The following ADAMTS20 variants were observed in gnomAD, a reference collection of about 807,000 sequenced individuals.
The protein encoded by ADAMTS20 is A disintegrin and metalloproteinase with thrombospondin motifs 20.
A neutral mutation model predicts 260.1 loss-of-function variants in ADAMTS20; 225 were observed. The observed-to-expected ratio is 0.87, with a 90% CI of 0.78 to 0.97. ADAMTS20 has a LOEUF of 0.97. Among genes scored for constraint, ADAMTS20 ranks in the 50% least tolerant of loss-of-function variants. The pLI is 0.00. For synonymous variants in ADAMTS20, 802 were observed against 769.5 expected, an observed-to-expected ratio of 1.04 and a Z score of -0.70; for missense variants, 2,400 against 2,337.7, an observed-to-expected ratio of 1.03 and a Z score of -0.55.
At chr12:43,514,501 G>T (rs929326538) in intron 3 of ADAMTS20, among the ~76,000 whole-genome samples, 4 of 140,164 alleles carry the variant, frequency 2.9e-5, no homozygotes, top group Non-Finnish European at 6.1e-5. Flanking sequence ...GGCAGAGGTT[G>T]CAGTGAGCCA....
chr12:43,535,691 CT>C (rs998594747), intron 2 of ADAMTS20, among the ~76,000 whole-genome samples: 26 of 152,136 alleles, frequency 1.7e-4, no homozygotes, highest in Middle Eastern at 6.8e-3. Flanking sequence ...AGATACATAA[CT>C]TTTTTTAATA....
intron 28 of ADAMTS20, among the ~76,000 whole-genome samples, chr12:43,407,408 T>C (rs1403478828): frequency 1.3e-5 from 2 of 151,634 alleles, no homozygotes; most frequent in African/African-American, 4.8e-5. Context: ...AGTTCTTGGC[T>C]AATTCATGCA....
At chr12:43,369,226 GA>G in intron 37 of ADAMTS20, 63 bp downstream of exon 37, 1 of 1,002,984 alleles carries the variant, frequency 1.0e-6, no homozygotes, top group Non-Finnish European at 1.4e-6. Context: ...TTAAAAAAAT[GA>G]ATGAAGAGAA....
chr12:43,363,273 C>G (rs1375674551), intron 37 of ADAMTS20, among the ~76,000 whole-genome samples: 2 of 152,156 alleles, frequency 1.3e-5, no homozygotes, highest in Non-Finnish European at 2.9e-5. Flanking sequence ...CAGCATTTCT[C>G]ATCCCACCCA....
chr12:43,388,404 A>G (rs1940529545), intron 29 of ADAMTS20, among the ~76,000 whole-genome samples: 1 of 152,192 alleles, frequency 6.6e-6, no homozygotes, highest in South Asian at 2.1e-4. Flanking sequence ...TCAGTTGGAA[A>G]TGCAGAAATC....
Position 43,446,643 on chromosome 12 carries a change from T to C in ADAMTS20, c.2149A>G (p.Asn717Asp), listed in dbSNP as rs1259650530. 1 of 1,613,490 alleles carries C rather than the reference T, an allele frequency of 6.2e-7. No homozygotes were observed. The highest frequency in any genetic ancestry group is 2.2e-5 in the East Asian group (1 of 44,854). Reference sequence around the variant, plus strand: ...CCTGTTATTGTCTTGCATGAAGAGTTGTCCCCACCACACACTCCACATTTG... The same window carrying C: ...CCTGTTATTGTCTTGCATGAAGAGTCGTCCCCACCACACACTCCACATTTG... Reference protein sequence around the residue: ...IDKCGVCGGDNSSCKTITGVF... With the variant: ...IDKCGVCGGDDSSCKTITGVF... Residue 717 changes from asparagine to aspartate, a missense_variant, in exon 15 of 39, where the codon AAC (asparagine) becomes GAC (aspartate). Transcript: ENST00000389420.
chr12:43,452,153 T>G, intron 14 of ADAMTS20, 121 bp downstream of exon 14: 1 of 1,050,490 alleles, frequency 9.5e-7, no homozygotes, highest in Non-Finnish European at 1.3e-6. Flanking sequence ...AAAGGTTGCT[T>G]TGTTGGAATG....
At chr12:43,463,885 G>A (rs571824803) in intron 10 of ADAMTS20, among the ~76,000 whole-genome samples, 1 of 152,074 alleles carries the variant, frequency 6.6e-6, no homozygotes, top group East Asian at 1.9e-4. Flanking sequence ...TCACAACCTA[G>A]TAGGGAGGGA....
chr12:43,456,341 T>C (rs1592078774), intron 11 of ADAMTS20, among the ~76,000 whole-genome samples: 1 of 152,300 alleles, frequency 6.6e-6, no homozygotes, highest in Middle Eastern at 3.4e-3. Context: ...AGCTGTTATT[T>C]CTCTCACTTT....
At chr12:43,354,865 T>G (rs1939711337) in intron 38 of ADAMTS20, among the ~76,000 whole-genome samples, 1 of 152,108 alleles carries the variant, frequency 6.6e-6, no homozygotes, top group African/African-American at 2.4e-5. Flanking sequence ...AAGCAATCAT[T>G]AGAATTAGAA....
intron 16 of ADAMTS20, among the ~76,000 whole-genome samples, chr12:43,442,015 G>C (rs1941674912): frequency 6.6e-6 from 1 of 152,090 alleles, no homozygotes; most frequent in Non-Finnish European, 1.5e-5. Flanking sequence ...ATCAAATGTG[G>C]CTAGGTCTAT....
chr12:43,435,836 C>T (rs943729381), intron 18 of ADAMTS20, among the ~76,000 whole-genome samples: 2 of 151,892 alleles, frequency 1.3e-5, no homozygotes, highest in African/African-American at 2.4e-5. Flanking sequence ...AGGATAACTA[C>T]AGCAAAAGCA....
chr12:43,373,039 A>G (rs1940140273), intron 36 of ADAMTS20, among the ~76,000 whole-genome samples: 1 of 152,214 alleles, frequency 6.6e-6, no homozygotes, highest in Non-Finnish European at 1.5e-5. Context: ...AGTGCCATGG[A>G]TCCGTGTAAG....
intron 4 of ADAMTS20, among the ~76,000 whole-genome samples, chr12:43,497,821 G>A (rs1262502958): frequency 6.6e-6 from 1 of 152,080 alleles, no homozygotes; most frequent in African/African-American, 2.4e-5. Flanking sequence ...AGGATTACAT[G>A]ATGCTCCTTA....
chr12:43,519,545 A>G (rs1276926628), intron 3 of ADAMTS20, among the ~76,000 whole-genome samples: 1 of 152,150 alleles, frequency 6.6e-6, no homozygotes, highest in African/African-American at 2.4e-5. Flanking sequence ...GTCTCCTCTT[A>G]GCAATCAACT....
intron 37 of ADAMTS20, among the ~76,000 whole-genome samples, chr12:43,361,568 C>G (rs1939868576): frequency 6.6e-6 from 1 of 152,242 alleles, no homozygotes; most frequent in Admixed American, 6.5e-5. Flanking sequence ...GGATCTTGGA[C>G]AGACTGTTAA....
Position 43,428,294 on chromosome 12 carries a change from C to G in ADAMTS20, c.3892G>C (p.Val1298Leu). 6.2e-7 allele frequency: 1 copy of G among 1,613,952 alleles called. No individual in the cohort carries two copies. Among genetic ancestry groups the G allele is most frequent in the Non-Finnish European group, 8.5e-7 (1 of 1,179,878 alleles). Residue 1298 changes from valine (V) to leucine (L), a missense_variant, in exon 26 of 39, where the codon GTG becomes CTG. Transcript: ENST00000389420. ...TQKLEDNENQ[V>L]VHPSVRGNQW... Reference sequence around the variant, plus strand: ...TTTCCTCTGACTGATGGATGGACCACCTGATTTTCATTATCTTCAAGTTTT... The same window carrying G: ...TTTCCTCTGACTGATGGATGGACCAGCTGATTTTCATTATCTTCAAGTTTT...
intron 3 of ADAMTS20, among the ~76,000 whole-genome samples, chr12:43,527,770 A>C (rs1943163028): frequency 6.6e-6 from 1 of 152,276 alleles, no homozygotes. Context: ...CCCCCTGAGA[A>C]CTGGAACAAG....
chr12:43,481,719 A>AT (rs1437355857), intron 7 of ADAMTS20, among the ~76,000 whole-genome samples: 1 of 152,096 alleles, frequency 6.6e-6, no homozygotes, highest in Non-Finnish European at 1.5e-5. Context: ...AATAAAAGTC[A>AT]TTTTTTTGTT....
Sources: gnomAD v4.1 joint callset for allele counts (sites outside exome capture counted in the v4.1 genomes callset) on GRCh38, gnomAD v4.1.1 for gene constraint, MANE v1.5 for transcripts, NCBI Gene and HGNC (gene_info 2026-07-23, HGNC 2026-07-21) for gene names.